GABRB1: variants seen among roughly 807,000 people sequenced by gnomAD.
GABRB1 encodes gamma-aminobutyric acid receptor subunit beta-1.
In GABRB1, 17 loss-of-function variants were observed where a neutral mutation model predicts 51.6. The observed-to-expected ratio is 0.33, with a 90% CI of 0.23 to 0.49. The LOEUF (loss-of-function observed/expected upper bound fraction) is 0.49. Ranked by LOEUF, GABRB1 falls within the 20% of genes least tolerant of loss-of-function variation. GABRB1 has a pLI of 0.99. For synonymous variants in GABRB1, 247 were observed against 218.9 expected (o/e 1.13, Z -1.14); for missense variants, 410 against 600.6 (o/e 0.68, Z 3.32).
intron 4 of GABRB1, among the ~76,000 whole-genome samples, chr4:47,284,097 C>CA (rs780643469): frequency 0.052 from 2,331 of 44,860 alleles, 57 homozygotes; most frequent in African/African-American, 0.085. Flanking sequence ...GACTCAGTCT[C>CA]AAAAAAAAAA....
At chr4:47,173,305 C>T (rs1027315596) in intron 4 of GABRB1, among the ~76,000 whole-genome samples, 1 of 151,916 alleles carries the variant, frequency 6.6e-6, no homozygotes, top group Non-Finnish European at 1.5e-5. Context: ...ATTAATGAGC[C>T]CCTTAAGGTG....
chr4:47,073,457 T>A (rs1426393989), intron 3 of GABRB1, among the ~76,000 whole-genome samples: 1 of 152,114 alleles, frequency 6.6e-6, no homozygotes, highest in Non-Finnish European at 1.5e-5. Flanking sequence ...ATATAGATTG[T>A]CCAGTGTTCT....
chr4:47,393,861 G>A (rs1487088187), intron 5 of GABRB1, among the ~76,000 whole-genome samples: 2 of 152,204 alleles, frequency 1.3e-5, no homozygotes, highest in Admixed American at 1.3e-4. Flanking sequence ...TATCCTTCAT[G>A]CCTAGGATAG....
intron 4 of GABRB1, among the ~76,000 whole-genome samples, chr4:47,311,061 A>AG (rs58322503): frequency 4.5e-5 from 1 of 22,118 alleles, no homozygotes; most frequent in South Asian, 1.3e-3. Context: ...ACTCTGTCTC[A>AG]AAAAAAAAAA....
intron 4 of GABRB1, among the ~76,000 whole-genome samples, chr4:47,277,353 G>C (rs1191934664): frequency 2.0e-5 from 3 of 152,084 alleles, no homozygotes; most frequent in African/African-American, 7.2e-5. Context: ...AGGATGGTTA[G>C]CAGAGGCTCG....
At chr4:47,016,527 G>A (rs914768120) in intron 1 of GABRB1, among the ~76,000 whole-genome samples, 13 of 151,882 alleles carry the variant, frequency 8.6e-5, no homozygotes, top group South Asian at 4.2e-4. Context: ...GTTCTTTACC[G>A]TCCTCTAGGT....
At chr4:47,366,942 T>C (rs1473257962) in intron 5 of GABRB1, among the ~76,000 whole-genome samples, 2 of 152,178 alleles carry the variant, frequency 1.3e-5, no homozygotes, top group East Asian at 3.9e-4. Context: ...GCATATTAGG[T>C]TGTGTAAGTG....
intron 1 of GABRB1, among the ~76,000 whole-genome samples, chr4:47,019,619 T>TTC (rs1175048632): frequency 5.6e-5 from 6 of 108,108 alleles, no homozygotes; most frequent in South Asian, 3.4e-4. Flanking sequence ...CTTTCTTTCT[T>TTC]TCTCTCTCTT....
At chr4:47,094,827 A>C (rs544678495) in intron 3 of GABRB1, among the ~76,000 whole-genome samples, 1 of 152,292 alleles carries the variant, frequency 6.6e-6, no homozygotes, top group Admixed American at 6.5e-5. Context: ...ACAGGTACAA[A>C]GACTGAGGTC....
At chr4:47,282,412 C>T (rs1368722624) in intron 4 of GABRB1, among the ~76,000 whole-genome samples, 1 of 152,158 alleles carries the variant, frequency 6.6e-6, no homozygotes, top group Non-Finnish European at 1.5e-5. Context: ...CACATATATA[C>T]TTTTTAACTG....
At chr4:47,408,985 T>TA (rs1288276998) in intron 8 of GABRB1, among the ~76,000 whole-genome samples, 2 of 152,158 alleles carry the variant, frequency 1.3e-5, no homozygotes, top group South Asian at 2.1e-4. Flanking sequence ...CTTCAGTTGC[T>TA]AAAAAACAAT....
chr4:47,354,976 C>CTTTTTTT (rs1553877819), intron 5 of GABRB1, among the ~76,000 whole-genome samples: 10 of 82,456 alleles, frequency 1.2e-4, no homozygotes, highest in Non-Finnish European at 2.4e-4. Context: ...TTCTTTCTTC[C>CTTTTTTT]TTTGTTTTTT....
At chr4:47,007,890 AT>A (rs1724456986) in intron 1 of GABRB1, among the ~76,000 whole-genome samples, 1 of 24,366 alleles carries the variant, frequency 4.1e-5, no homozygotes, top group African/African-American at 1.2e-4. Context: ...ATATATATAT[AT>A]ATAAAATCAA....
intron 4 of GABRB1, among the ~76,000 whole-genome samples, chr4:47,259,591 A>G (rs1212902757): frequency 6.6e-6 from 1 of 152,188 alleles, no homozygotes; most frequent in African/African-American, 2.4e-5. Context: ...GGCATTATTA[A>G]CAACAATTTG....
intron 3 of GABRB1, among the ~76,000 whole-genome samples, chr4:47,077,760 G>A (rs1288303833): frequency 6.8e-6 from 1 of 147,710 alleles, no homozygotes; most frequent in African/African-American, 2.5e-5. Flanking sequence ...GACCTGCAGA[G>A]TAGTCTTTTA....
intron 5 of GABRB1, among the ~76,000 whole-genome samples, chr4:47,395,180 A>G (rs1233516756): frequency 6.6e-6 from 1 of 152,214 alleles, no homozygotes; most frequent in Non-Finnish European, 1.5e-5. Flanking sequence ...ACTGCTATAA[A>G]GAACTACCTG....
At chr4:47,169,873 C>T (rs1372958006) in intron 4 of GABRB1, among the ~76,000 whole-genome samples, 1 of 152,168 alleles carries the variant, frequency 6.6e-6, no homozygotes. Context: ...AGGCATCTTA[C>T]TGTCCCTGCA....
chr4:47,410,114 G>T (rs955903126), intron 8 of GABRB1, among the ~76,000 whole-genome samples: 1 of 152,174 alleles, frequency 6.6e-6, no homozygotes, highest in Non-Finnish European at 1.5e-5. Flanking sequence ...AATTAAAGGA[G>T]AACGAATAAA....
intron 4 of GABRB1, among the ~76,000 whole-genome samples, chr4:47,226,812 A>G (rs2109830718): frequency 6.6e-6 from 1 of 152,308 alleles, no homozygotes; most frequent in Middle Eastern, 3.4e-3. Flanking sequence ...GCTGTAAGCA[A>G]TGTTTATACC....
Sources: allele counts gnomAD v4.1 joint callset (sites outside exome capture counted in the v4.1 genomes callset), GRCh38; gene constraint gnomAD v4.1.1; transcripts MANE v1.5; gene names NCBI Gene and HGNC (gene_info 2026-07-23, HGNC 2026-07-21).